NALF1: variants seen among roughly 807,000 people sequenced by gnomAD.
NALF1 encodes the protein NALCN channel auxiliary factor 1.
In NALF1, 3 loss-of-function variants were observed where a neutral mutation model predicts 48.4. The ratio of observed to expected loss-of-function variants is 0.06; its 90% CI spans 0.03 to 0.16. The LOEUF is 0.16. Among genes scored for constraint, NALF1 ranks in the 10% least tolerant of loss-of-function variants. The pLI is 1.00. For synonymous variants in NALF1, 262 were observed against 245.7 expected (o/e 1.07, Z -0.62); for missense variants, 526 against 571.5 (o/e 0.92, Z 0.81).
chr13:107,203,524 C>T (rs992280307), intron 2 of NALF1, among the ~76,000 whole-genome samples: 3 of 152,186 alleles, frequency 2.0e-5, no homozygotes, highest in African/African-American at 7.2e-5. Context: ...TTGCCAGACA[C>T]GGTGTCACTT....
chr13:107,337,138 T>C (rs887744368), intron 1 of NALF1, among the ~76,000 whole-genome samples: 1 of 151,070 alleles, frequency 6.6e-6, no homozygotes, highest in African/African-American at 2.4e-5. Context: ...TTGGAAAATG[T>C]AAGTATCTGG....
chr13:107,596,258 T>A (rs1276728065), intron 1 of NALF1, among the ~76,000 whole-genome samples: 1 of 152,164 alleles, frequency 6.6e-6, no homozygotes, highest in Non-Finnish European at 1.5e-5. Context: ...TGAAAGACAG[T>A]GTGGCGATTC....
chr13:107,480,101 T>A (rs1298430295), intron 1 of NALF1, among the ~76,000 whole-genome samples: 1 of 152,198 alleles, frequency 6.6e-6, no homozygotes, highest in Non-Finnish European at 1.5e-5. Flanking sequence ...CACTTACTCA[T>A]GATTTGGAGA....
intron 1 of NALF1, among the ~76,000 whole-genome samples, chr13:107,661,423 T>C (rs1039923514): frequency 1.3e-5 from 2 of 152,194 alleles, no homozygotes; most frequent in Non-Finnish European, 2.9e-5. Flanking sequence ...TCTTGCTGTT[T>C]ATGACATATT....
In NALF1 at chr13:107,737,906, G is replaced by A. The variant is rs117067418; in HGVS notation, c.915+127776C>T. On this transcript the variant is annotated intron_variant, in intron 1 of 2. Transcript: ENST00000375915. ...TAGAAAATGCATCCACGTACAATTCGGGCAGAAGGGTATTAAAACATGTGA... is the reference window on the plus strand; with the variant it reads ...TAGAAAATGCATCCACGTACAATTCAGGCAGAAGGGTATTAAAACATGTGA... Among the ~76,000 whole-genome samples the A allele has an allele frequency of 6.5e-3, 992 of 152,060 alleles. 9 individuals carry two copies. The highest frequency in any genetic ancestry group is 7.3e-3 in the Non-Finnish European group (494 of 67,986).
intron 1 of NALF1, among the ~76,000 whole-genome samples, chr13:107,275,870 C>G (rs1400137720): frequency 6.6e-6 from 1 of 152,104 alleles, no homozygotes; most frequent in East Asian, 1.9e-4. Flanking sequence ...GTGTTTAGAC[C>G]TGACTGGGGC....
intron 1 of NALF1, among the ~76,000 whole-genome samples, chr13:107,263,249 G>GACACGCAC (rs1880970349): frequency 7.2e-6 from 1 of 138,368 alleles, no homozygotes; most frequent in Non-Finnish European, 1.6e-5. Context: ...AATGCTAACA[G>GACACGCAC]ACACACACAC....
At chr13:107,376,414 G>A (rs1883341247) in intron 1 of NALF1, among the ~76,000 whole-genome samples, 1 of 152,198 alleles carries the variant, frequency 6.6e-6, no homozygotes, top group South Asian at 2.1e-4. Context: ...TTCATGGGCA[G>A]CAAACTTGCC....
intron 1 of NALF1, among the ~76,000 whole-genome samples, chr13:107,826,579 C>G (rs888634515): frequency 6.6e-6 from 1 of 152,162 alleles, no homozygotes; most frequent in African/African-American, 2.4e-5. Context: ...GAGGATGCAG[C>G]TTATAAACAC....
intron 1 of NALF1, among the ~76,000 whole-genome samples, chr13:107,410,642 AC>A (rs1180417584): frequency 6.6e-6 from 1 of 152,140 alleles, no homozygotes; most frequent in Non-Finnish European, 1.5e-5. Context: ...AGGGAGAAAG[AC>A]TTTAAAGGTA....
chr13:107,208,359 T>C (rs1410732354), intron 2 of NALF1, among the ~76,000 whole-genome samples: 1 of 152,210 alleles, frequency 6.6e-6, no homozygotes, highest in Admixed American at 6.5e-5. Context: ...AAGCTGTTTT[T>C]ACCAAACTCG....
At chr13:107,209,573 CA>C (rs1411876267) in intron 2 of NALF1, among the ~76,000 whole-genome samples, 1 of 151,880 alleles carries the variant, frequency 6.6e-6, no homozygotes, top group African/African-American at 2.4e-5. Flanking sequence ...GATAGCTTAT[CA>C]CTTAGAACAC....
chr13:107,504,483 C>T (rs867204994), intron 1 of NALF1, among the ~76,000 whole-genome samples: 1 of 152,110 alleles, frequency 6.6e-6, no homozygotes, highest in Non-Finnish European at 1.5e-5. Flanking sequence ...TGATTCACTA[C>T]AGTATCCATT....
chr13:107,609,029 C>A (rs1879151135), intron 1 of NALF1, among the ~76,000 whole-genome samples: 1 of 152,164 alleles, frequency 6.6e-6, no homozygotes, highest in Non-Finnish European at 1.5e-5. Context: ...GGGTCAAGAG[C>A]CCCAGTTGTG....
At chr13:107,426,105 C>T (rs2139012720) in intron 1 of NALF1, among the ~76,000 whole-genome samples, 1 of 152,254 alleles carries the variant, frequency 6.6e-6, no homozygotes, top group African/African-American at 2.4e-5. Context: ...CCAGGCTCTC[C>T]CCTCCACCAG....
chr13:107,591,611 C>T (rs1878604635), intron 1 of NALF1, among the ~76,000 whole-genome samples: 1 of 151,866 alleles, frequency 6.6e-6, no homozygotes, highest in African/African-American at 2.4e-5. Context: ...TTGTACAGCC[C>T]TTCCCACTAC....
chr13:107,637,683 T>C (rs1880015323), intron 1 of NALF1, among the ~76,000 whole-genome samples: 1 of 152,124 alleles, frequency 6.6e-6, no homozygotes, highest in Non-Finnish European at 1.5e-5. Context: ...TCATTTTATC[T>C]TCCAACCCAT....
At chr13:107,440,922 C>T (rs1413673871) in intron 1 of NALF1, among the ~76,000 whole-genome samples, 1 of 152,098 alleles carries the variant, frequency 6.6e-6, no homozygotes, top group Non-Finnish European at 1.5e-5. Flanking sequence ...AACAAGACCG[C>T]CCCTCTCTTT....
intron 1 of NALF1, among the ~76,000 whole-genome samples, chr13:107,245,934 A>T (rs1266264581): frequency 6.6e-6 from 1 of 151,764 alleles, no homozygotes; most frequent in Non-Finnish European, 1.5e-5. Context: ...CCCCACCCCT[A>T]CCTCCAACTT....
Sources: gnomAD v4.1 joint callset for allele counts (sites outside exome capture counted in the v4.1 genomes callset) on GRCh38, gnomAD v4.1.1 for gene constraint, MANE v1.5 for transcripts, NCBI Gene and HGNC (gene_info 2026-07-23, HGNC 2026-07-21) for gene names.